The following PRKCE variants were observed in gnomAD, a reference collection of about 807,000 sequenced individuals.
The protein encoded by PRKCE is protein kinase C epsilon type.
PRKCE carries 16 observed loss-of-function variants against 85.4 expected under a neutral mutation model. The ratio of observed to expected loss-of-function variants is 0.19; its 90% CI spans 0.13 to 0.28. The LOEUF (loss-of-function observed/expected upper bound fraction) is 0.28. Among genes scored for constraint, PRKCE ranks in the 10% least tolerant of loss-of-function variants. PRKCE has a pLI of 1.00. For synonymous variants in PRKCE, 388 were observed against 371.5 expected (o/e 1.04, Z -0.51); for missense variants, 573 against 975.2 (o/e 0.59, Z 5.49).
intron 1 of PRKCE, among the ~76,000 whole-genome samples, chr2:45,693,164 A>T (rs1206561826): frequency 1.3e-5 from 2 of 152,222 alleles, no homozygotes; most frequent in East Asian, 3.9e-4. Context: ...GGGTGGGAGA[A>T]GGTCAGAGGC....
At chr2:45,744,418 TTTCTTTCTTTCTTTCTTTCTTTC>T (rs1682870604) in intron 1 of PRKCE, among the ~76,000 whole-genome samples, 1 of 10,210 alleles carries the variant, frequency 9.8e-5, no homozygotes, top group Non-Finnish European at 2.3e-4. Context: ...TTTTCTTTTC[TTTCTTTCTTTCTTTCTTTCTTTC>T]TTTCTTTCTT....
intron 2 of PRKCE, among the ~76,000 whole-genome samples, chr2:45,852,946 G>A (rs973200882): frequency 6.6e-6 from 1 of 152,220 alleles, no homozygotes; most frequent in Non-Finnish European, 1.5e-5. Flanking sequence ...CCCAGGAGAT[G>A]TCTGTGCTGC....
At chr2:45,689,901 C>CAAA (rs559521203) in intron 1 of PRKCE, among the ~76,000 whole-genome samples, 1 of 82,008 alleles carries the variant, frequency 1.2e-5, no homozygotes, top group African/African-American at 4.3e-5. Context: ...GACTCCATCT[C>CAAA]AAAAAAAAAA....
chr2:45,846,359 C>A (rs1219104277), intron 2 of PRKCE, among the ~76,000 whole-genome samples: 1 of 152,176 alleles, frequency 6.6e-6, no homozygotes, highest in Non-Finnish European at 1.5e-5. Context: ...GGCGCCTGAC[C>A]TGGGGACTGA....
At chr2:45,922,503 TG>T (rs1698323446) in intron 2 of PRKCE, among the ~76,000 whole-genome samples, 1 of 152,212 alleles carries the variant, frequency 6.6e-6, no homozygotes, top group African/African-American at 2.4e-5. Context: ...AATTGTAACC[TG>T]TGCCTCATTT....
chr2:46,015,206 A>G (rs1442548216), intron 10 of PRKCE, among the ~76,000 whole-genome samples: 1 of 152,010 alleles, frequency 6.6e-6, no homozygotes, highest in Non-Finnish European at 1.5e-5. Flanking sequence ...GGATAGGAGA[A>G]CCACTGAGAG....
At chr2:45,962,963 T>G (rs1359795736) in intron 2 of PRKCE, among the ~76,000 whole-genome samples, 1 of 152,186 alleles carries the variant, frequency 6.6e-6, no homozygotes, top group African/African-American at 2.4e-5. Context: ...AGAAAAAGTT[T>G]AATTGAAGCA....
At chr2:46,023,669 G>T (rs186560351) in intron 10 of PRKCE, among the ~76,000 whole-genome samples, 1 of 152,296 alleles carries the variant, frequency 6.6e-6, no homozygotes, top group East Asian at 1.9e-4. Flanking sequence ...TCCTGTCACT[G>T]AGGAGGAGGT....
At chr2:45,764,286 G>A (rs1573255405) in intron 1 of PRKCE, among the ~76,000 whole-genome samples, 1 of 152,230 alleles carries the variant, frequency 6.6e-6, no homozygotes, top group Non-Finnish European at 1.5e-5. Context: ...TGCAACACAA[G>A]AGGGGTAAAA....
intron 5 of PRKCE, 57 bp downstream of exon 5, chr2:45,980,438 C>G: frequency 2.0e-6 from 3 of 1,482,288 alleles, no homozygotes; most frequent in Non-Finnish European, 1.9e-6. Flanking sequence ...CCTCCCTTCA[C>G]TGCCTCTTCT....
intron 14 of PRKCE, among the ~76,000 whole-genome samples, chr2:46,181,203 A>G (rs1679944373): frequency 6.6e-6 from 1 of 152,216 alleles, no homozygotes; most frequent in Admixed American, 6.5e-5. Context: ...AAATTTGACG[A>G]TGCTGTGCTG....
At chr2:45,847,054 C>A (rs377346204) in intron 2 of PRKCE, among the ~76,000 whole-genome samples, 1 of 152,188 alleles carries the variant, frequency 6.6e-6, no homozygotes, top group African/African-American at 2.4e-5. Context: ...ACCAAAGAGG[C>A]GACTTAACAG....
chr2:46,014,372 C>G (rs932965040), intron 10 of PRKCE, among the ~76,000 whole-genome samples: 5 of 152,300 alleles, frequency 3.3e-5, no homozygotes, highest in East Asian at 3.9e-4. Context: ...CCTCTTACAA[C>G]TAAAAATCCC....
chr2:46,031,049 T>C (rs977495242), intron 10 of PRKCE, among the ~76,000 whole-genome samples: 1 of 152,246 alleles, frequency 6.6e-6, no homozygotes, highest in South Asian at 2.1e-4. Flanking sequence ...AATATTTAAA[T>C]GGATTTCCCT....
intron 2 of PRKCE, among the ~76,000 whole-genome samples, chr2:45,916,098 T>G (rs1343445329): frequency 6.6e-6 from 1 of 152,118 alleles, no homozygotes; most frequent in Non-Finnish European, 1.5e-5. Flanking sequence ...CTAAGGACAT[T>G]GAGAAGGGTG....
At chr2:45,863,309 A>C (rs1364300886) in intron 2 of PRKCE, among the ~76,000 whole-genome samples, 3 of 152,118 alleles carry the variant, frequency 2.0e-5, no homozygotes, top group Non-Finnish European at 4.4e-5. Context: ...TATCTCCTAC[A>C]TAAAGGTAGG....
At chr2:45,817,988 C>G (rs1475931526) in intron 1 of PRKCE, among the ~76,000 whole-genome samples, 1 of 152,202 alleles carries the variant, frequency 6.6e-6, no homozygotes, top group Non-Finnish European at 1.5e-5. Flanking sequence ...TTGTCCTTCT[C>G]AGCCCCGGAG....
chr2:45,776,845 A>C (rs749837179), intron 1 of PRKCE, among the ~76,000 whole-genome samples: 1 of 152,204 alleles, frequency 6.6e-6, no homozygotes, highest in Non-Finnish European at 1.5e-5. Flanking sequence ...CTCTCCAAGC[A>C]AACTCATTTG....
chr2:45,813,482 A>T (rs529940870), intron 1 of PRKCE, among the ~76,000 whole-genome samples: 35 of 152,294 alleles, frequency 2.3e-4, no homozygotes, highest in African/African-American at 8.2e-4. Flanking sequence ...GTAGTTTGTT[A>T]TCCCCTTTCC....
Sources: gnomAD v4.1 joint callset for allele counts (sites outside exome capture counted in the v4.1 genomes callset) on GRCh38, gnomAD v4.1.1 for gene constraint, MANE v1.5 for transcripts, NCBI Gene and HGNC (gene_info 2026-07-23, HGNC 2026-07-21) for gene names.